The following AUTS2 variants were observed in gnomAD, a reference collection of about 807,000 sequenced individuals.
AUTS2 encodes the protein autism susceptibility gene 2 protein.
In AUTS2, 17 loss-of-function variants were observed where a neutral mutation model predicts 112.4. The ratio of observed to expected loss-of-function variants is 0.15; its 90% confidence interval spans 0.10 to 0.23. The LOEUF (loss-of-function observed/expected upper bound fraction) is 0.23. Among genes scored for constraint, AUTS2 ranks in the 10% least tolerant of loss-of-function variants. The pLI is 1.00. For missense variants in AUTS2, 1,510 were observed against 1,701.6 expected, an observed-to-expected ratio of 0.89 and a Z score of 1.98; for synonymous variants, 751 against 702.7, an observed-to-expected ratio of 1.07 and a Z score of -1.09.
chr7:70,709,842 CG>C (rs1222543218), intron 6 of AUTS2, among the ~76,000 whole-genome samples: 3 of 152,184 alleles, frequency 2.0e-5, no homozygotes, highest in African/African-American at 7.2e-5. Context: ...GCCTCGTAGC[CG>C]ATACCAGGAC....
Position 69,930,252 on chromosome 7 carries a change from C to T in AUTS2, c.522+30754C>T, listed in dbSNP as rs563195319. Among the ~76,000 whole-genome samples the T allele has an allele frequency of 4.6e-5, 7 of 152,260 alleles. No individual in the cohort carries two copies. The East Asian group carries it at 7.7e-4, about 17-fold the overall frequency. The stretch of plus-strand genomic sequence containing the variant: ...GCCTTGAGTAGCGTCCCCCTGCTTT[C>T]GAGCCAGTCTGTACTGTGTTGCAGG... On this transcript the variant is annotated intron_variant, in intron 2 of 18. Transcript: ENST00000342771.
At chr7:70,743,341 C>T (rs1012470267) in intron 6 of AUTS2, among the ~76,000 whole-genome samples, 6 of 151,974 alleles carry the variant, frequency 3.9e-5, no homozygotes, top group Non-Finnish European at 7.4e-5. Flanking sequence ...TGGTGACACG[C>T]ACCTGTAGTC....
intron 2 of AUTS2, among the ~76,000 whole-genome samples, chr7:70,092,876 G>C (rs1291365875): frequency 6.6e-6 from 1 of 152,122 alleles, no homozygotes; most frequent in Admixed American, 6.6e-5. Context: ...TGTCGGCAGA[G>C]CTGAGGGGCA....
chr7:70,013,366 C>T (rs1301171424), intron 2 of AUTS2, among the ~76,000 whole-genome samples: 1 of 152,186 alleles, frequency 6.6e-6, no homozygotes, highest in African/African-American at 2.4e-5. Context: ...GATCTCCAGC[C>T]TGGGAGCTGG....
chr7:70,415,340 C>T (rs1562944526), intron 4 of AUTS2, among the ~76,000 whole-genome samples: 1 of 152,182 alleles, frequency 6.6e-6, no homozygotes, highest in Admixed American at 6.5e-5. Context: ...GTCAGACTGC[C>T]TGCCCTGCTT....
intron 1 of AUTS2, among the ~76,000 whole-genome samples, chr7:69,696,028 G>A (rs1051419686): frequency 1.3e-5 from 2 of 152,200 alleles, no homozygotes; most frequent in African/African-American, 4.8e-5. Flanking sequence ...TTTAAAAATT[G>A]CTGCCCCTTT....
At chr7:70,092,196 G>A (rs1803957208) in intron 2 of AUTS2, among the ~76,000 whole-genome samples, 2 of 152,030 alleles carry the variant, frequency 1.3e-5, no homozygotes, top group Admixed American at 1.3e-4. Context: ...CAGATGAAAA[G>A]GAATCTGTGC....
chr7:70,539,871 G>A lies in AUTS2; in HGVS notation c.690+104090G>A, dbSNP rs144687939. The stretch of plus-strand genomic sequence containing the variant: ...TCTGCCAACAAAACCAGCGCTGCCC[G>A]CCTGTTCTGTGGGGGTTGGCACAGG... On this transcript the variant is annotated intron_variant, in intron 5 of 18. Coordinates refer to ENST00000342771, the MANE Select transcript of AUTS2 (RefSeq NM_015570.4). Among the ~76,000 whole-genome samples, 46 of 152,224 alleles carry A rather than the reference G, an allele frequency of 3.0e-4. No individual in the cohort carries two copies. The East Asian group carries it at 8.1e-3, about 27-fold the overall frequency.
At chr7:70,222,234 T>C (rs1811524657) in intron 4 of AUTS2, among the ~76,000 whole-genome samples, 1 of 152,210 alleles carries the variant, frequency 6.6e-6, no homozygotes, top group African/African-American at 2.4e-5. Flanking sequence ...GCGAATAAAA[T>C]AATAAACAAT....
intron 1 of AUTS2, among the ~76,000 whole-genome samples, chr7:69,823,202 A>G (rs1465962530): frequency 6.6e-6 from 1 of 152,196 alleles, no homozygotes; most frequent in Admixed American, 6.5e-5. Context: ...GTCCCGTCTC[A>G]TAACTTAGGC....
chr7:70,449,884 A>G (rs1796461211), intron 5 of AUTS2, among the ~76,000 whole-genome samples: 1 of 152,184 alleles, frequency 6.6e-6, no homozygotes, highest in East Asian at 1.9e-4. Flanking sequence ...TATAGTAGCT[A>G]ATGAATTACT....
rs1376092925 is a variant in AUTS2 at position 70,784,978 on chromosome 7, C to T, written c.2183C>T (p.Pro728Leu). 6.2e-7 allele frequency: 1 copy of T among 1,613,726 alleles called. No homozygotes were observed. The highest frequency in any genetic ancestry group is 8.5e-7 in the Non-Finnish European group (1 of 1,180,040). Residue 728 changes from proline to leucine, a missense_variant, in exon 16 of 19, where the codon CCT (proline) becomes CTT (leucine). Pro to Leu is a moderately conservative substitution (Grantham distance 98, BLOSUM62 -3). Coordinates refer to ENST00000342771, the MANE Select transcript of AUTS2 (RefSeq NM_015570.4). ...AHPTGTPFGP[P>L]PHHSNFLNPA... ...CCAACTGGGACCCCTTTTGGGCCACCTCCTCATCACAGCAACTTCCTCAAC... is the reference window on the plus strand; with the variant it reads ...CCAACTGGGACCCCTTTTGGGCCACTTCCTCATCACAGCAACTTCCTCAAC...
intron 2 of AUTS2, among the ~76,000 whole-genome samples, chr7:69,906,188 C>T (rs1041453194): frequency 7.9e-5 from 12 of 152,132 alleles, no homozygotes; most frequent in Non-Finnish European, 1.8e-4. Flanking sequence ...GACAGAACTC[C>T]CTTTCTTTAT....
intron 1 of AUTS2, among the ~76,000 whole-genome samples, chr7:69,773,618 T>C (rs1174229255): frequency 1.3e-5 from 2 of 152,158 alleles, no homozygotes; most frequent in African/African-American, 2.4e-5. Context: ...CCCCTGCCAG[T>C]GCAGCTGGGC....
chr7:69,909,160 A>G (rs1057160135), intron 2 of AUTS2, among the ~76,000 whole-genome samples: 3 of 152,248 alleles, frequency 2.0e-5, no homozygotes, highest in Non-Finnish European at 2.9e-5. Flanking sequence ...CAATAATTGG[A>G]TCATATTTTT....
chr7:69,935,362 G>A (rs1190711333), intron 2 of AUTS2, among the ~76,000 whole-genome samples: 1 of 152,186 alleles, frequency 6.6e-6, no homozygotes, highest in Non-Finnish European at 1.5e-5. Context: ...AAGGCTACTG[G>A]CAATAGGGAA....
At chr7:70,785,291 C>T in intron 16 of AUTS2, 2 of 611,338 alleles carry the variant, frequency 3.3e-6, no homozygotes, top group Non-Finnish European at 6.0e-6. Flanking sequence ...AGAGCCATTC[C>T]TTGGTATCTC....
At chr7:70,240,647 T>G (rs902349337) in intron 4 of AUTS2, among the ~76,000 whole-genome samples, 19 of 152,220 alleles carry the variant, frequency 1.2e-4, no homozygotes, top group Non-Finnish European at 2.5e-4. Context: ...CATGCCATTT[T>G]TGGCATTGAA....
chr7:69,718,326 G>C (rs745884008), intron 1 of AUTS2, among the ~76,000 whole-genome samples: 2 of 152,076 alleles, frequency 1.3e-5, no homozygotes, highest in East Asian at 3.9e-4. Flanking sequence ...TTACATTTTT[G>C]TAGGCTAGAA....
Sources: gnomAD v4.1 joint callset for allele counts (sites outside exome capture counted in the v4.1 genomes callset) on GRCh38, gnomAD v4.1.1 for gene constraint, MANE v1.5 for transcripts, NCBI Gene and HGNC (gene_info 2026-07-23, HGNC 2026-07-21) for gene names.